RBFOX1: variants seen among roughly 807,000 people sequenced by gnomAD.
The protein encoded by RBFOX1 is RNA binding protein fox-1 homolog 1.
A neutral mutation model predicts 57.7 loss-of-function variants in RBFOX1; 8 were observed. The observed-to-expected ratio is 0.14, with a 90% confidence interval of 0.08 to 0.25. The LOEUF is 0.25. Ranked by LOEUF, RBFOX1 falls within the 10% of genes least tolerant of loss-of-function variation. RBFOX1 has a pLI of 1.00. For missense variants in RBFOX1, 611 were observed against 548.5 expected (o/e 1.11, Z -1.14); for synonymous variants, 326 against 222.4 (o/e 1.47, Z -4.15).
At chr16:5,650,733 C>G (rs1419032281) in intron 3 of RBFOX1, among the ~76,000 whole-genome samples, 1 of 152,118 alleles carries the variant, frequency 6.6e-6, no homozygotes, top group African/African-American at 2.4e-5. Flanking sequence ...CCTTGCCTCT[C>G]TCCCTCCTTC....
chr16:7,211,725 G>C (rs962211944), intron 4 of RBFOX1, among the ~76,000 whole-genome samples: 2 of 152,178 alleles, frequency 1.3e-5, no homozygotes, highest in South Asian at 2.1e-4. Flanking sequence ...TTCAGCTCTC[G>C]TGCCAGGTGG....
At chr16:5,314,247 A>G (rs2064170160) in intron 1 of RBFOX1, among the ~76,000 whole-genome samples, 1 of 152,214 alleles carries the variant, frequency 6.6e-6, no homozygotes, top group Admixed American at 6.5e-5. Context: ...TTGCGAATGC[A>G]TGTATTGCAG....
intron 11 of RBFOX1, among the ~76,000 whole-genome samples, chr16:7,633,453 CATTAT>C (rs1258935109): frequency 3.9e-5 from 6 of 152,216 alleles, no homozygotes; most frequent in Non-Finnish European, 8.8e-5. Flanking sequence ...AGTATTGTTT[CATTAT>C]ATTATATTTT....
intron 1 of RBFOX1, among the ~76,000 whole-genome samples, chr16:5,374,190 G>A (rs746116480): frequency 2.0e-5 from 3 of 152,192 alleles, no homozygotes; most frequent in South Asian, 2.1e-4. Context: ...CACCCACCTC[G>A]GCCTTCCAAA....
intron 2 of RBFOX1, among the ~76,000 whole-genome samples, chr16:6,381,642 C>G (rs777749777): frequency 1.3e-5 from 2 of 152,188 alleles, no homozygotes; most frequent in African/African-American, 2.4e-5. Flanking sequence ...AACAGGAGCT[C>G]TTCCTCTTGG....
At chr16:6,438,527 G>T (rs541207947) in intron 2 of RBFOX1, among the ~76,000 whole-genome samples, 3 of 152,302 alleles carry the variant, frequency 2.0e-5, no homozygotes, top group Non-Finnish European at 2.9e-5. Flanking sequence ...TTTGGTAGTG[G>T]ACTGGGATCC....
rs34056673 is a variant in RBFOX1 at position 7,023,564 on chromosome 16, T to TAAAAAAAAA, written c.-15-28471_-15-28463dup. Among the ~76,000 whole-genome samples the TAAAAAAAAA allele has an allele frequency of 1.9e-3, 85 of 43,926 alleles. 6 individuals are homozygous for TAAAAAAAAA. The highest frequency in any genetic ancestry group is 7.5e-3 in the East Asian group (8 of 1,066). The allele number at this position is 43,926 out of a possible 152,430, so 28.8% of individuals were successfully genotyped here. ...CAACATGGTGAAACTTCGTCTGTAC[T>TAAAAAAAAA]AAAAAAAAAAAAAAAAAAAAAAAAA... On this transcript the variant is annotated intron_variant, in intron 3 of 15. Coordinates refer to ENST00000550418, the MANE Select transcript of RBFOX1 (RefSeq NM_018723.4).
At chr16:5,568,305 A>T (rs1056338836) in intron 2 of RBFOX1, among the ~76,000 whole-genome samples, 3 of 152,006 alleles carry the variant, frequency 2.0e-5, no homozygotes, top group Admixed American at 1.3e-4. Flanking sequence ...ATTCCCTGTG[A>T]TCTCTTGCTT....
At chr16:7,703,174 T>C (rs1435656879) in intron 14 of RBFOX1, among the ~76,000 whole-genome samples, 2 of 152,224 alleles carry the variant, frequency 1.3e-5, no homozygotes, top group Admixed American at 1.3e-4. Context: ...GATTCATTTT[T>C]CCAAATACTT....
intron 3 of RBFOX1, among the ~76,000 whole-genome samples, chr16:6,928,811 A>C (rs368649055): frequency 1.3e-5 from 2 of 152,184 alleles, no homozygotes; most frequent in African/African-American, 4.8e-5. Context: ...TGCACACAGA[A>C]AAAGAACAGT....
In RBFOX1 at chr16:5,312,964, ATTTG is replaced by A. The variant is rs553209565; in HGVS notation, c.219+72863_219+72866del. ...TCAGCATGAGCAGCAGTAGGCGCTT[ATTTG>A]TTTAATGATGCTTAGTGCCTTTTTT... On this transcript the variant is annotated intron_variant, in intron 1 of 2. Transcript: ENST00000585867. Among the ~76,000 whole-genome samples the A allele has an allele frequency of 9.2e-5, 14 of 152,208 alleles. No homozygotes were observed. The South Asian group carries it at 2.9e-3, about 32-fold the overall frequency.
intron 4 of RBFOX1, among the ~76,000 whole-genome samples, chr16:7,119,681 A>G (rs2066685365): frequency 6.6e-6 from 1 of 152,114 alleles, no homozygotes; most frequent in South Asian, 2.1e-4. Flanking sequence ...AATCATGATT[A>G]TTTATGCACA....
chr16:6,278,951 T>G (rs1485992457), intron 1 of RBFOX1, among the ~76,000 whole-genome samples: 1 of 152,200 alleles, frequency 6.6e-6, no homozygotes, highest in Non-Finnish European at 1.5e-5. Context: ...GTTATGTGAG[T>G]TTGAAACAAG....
intron 15 of RBFOX1, among the ~76,000 whole-genome samples, chr16:7,709,337 T>C (rs1396281899): frequency 6.6e-6 from 1 of 152,236 alleles, no homozygotes; most frequent in Non-Finnish European, 1.5e-5. Context: ...TGTAAGTTAT[T>C]ATATTTCTAA....
intron 3 of RBFOX1, among the ~76,000 whole-genome samples, chr16:6,993,124 C>T: frequency 6.6e-6 from 1 of 152,128 alleles, no homozygotes; most frequent in South Asian, 2.1e-4. Flanking sequence ...GTGTAGGATC[C>T]ATAGATGGAC....
At chr16:6,657,965 C>G (rs74398686) in intron 3 of RBFOX1, among the ~76,000 whole-genome samples, 1 of 151,870 alleles carries the variant, frequency 6.6e-6, no homozygotes, top group African/African-American at 2.4e-5. Context: ...CTGTCTACTT[C>G]GTTTCCAGAT....
chr16:6,792,816 G>A (rs573967514), intron 3 of RBFOX1, among the ~76,000 whole-genome samples: 4 of 152,098 alleles, frequency 2.6e-5, no homozygotes, highest in Admixed American at 1.3e-4. Flanking sequence ...GGATCATGAC[G>A]TCAGGAGTTC....
At chr16:7,199,805 G>A (rs1005457405) in intron 4 of RBFOX1, among the ~76,000 whole-genome samples, 1 of 152,098 alleles carries the variant, frequency 6.6e-6, no homozygotes, top group East Asian at 1.9e-4. Context: ...TGAGACCCAA[G>A]AATTGCTTGA....
At chr16:6,658,885 A>C (rs1490145475) in intron 3 of RBFOX1, among the ~76,000 whole-genome samples, 1 of 151,420 alleles carries the variant, frequency 6.6e-6, no homozygotes, top group Admixed American at 6.6e-5. Flanking sequence ...TTCACCCTTT[A>C]ATAGGAAGCA....
Sources: allele counts gnomAD v4.1 joint callset (sites outside exome capture counted in the v4.1 genomes callset), GRCh38; gene constraint gnomAD v4.1.1; transcripts MANE v1.5; gene names NCBI Gene and HGNC (gene_info 2026-07-23, HGNC 2026-07-21).